Variants in ROBO2 observed in about 807,000 individuals in gnomAD.
ROBO2 encodes roundabout homolog 2.
In ROBO2, 53 loss-of-function variants were observed where a neutral mutation model predicts 160.8. The observed-to-expected ratio is 0.33, with a 90% CI of 0.26 to 0.41. The LOEUF (loss-of-function observed/expected upper bound fraction) is 0.41. ROBO2 is among the 10% of genes least tolerant of loss of function. The pLI, the probability that ROBO2 is intolerant of heterozygous loss-of-function variation, is 1.00. For synonymous variants in ROBO2, 664 were observed against 611.7 expected, an observed-to-expected ratio of 1.09 and a Z score of -1.26; for missense variants, 1,577 against 1,722.4, an observed-to-expected ratio of 0.92 and a Z score of 1.49.
chr3:76,578,746 T>G (rs898476445), intron 2 of ROBO2, among the ~76,000 whole-genome samples: 2 of 152,158 alleles, frequency 1.3e-5, no homozygotes, highest in Non-Finnish European at 2.9e-5. Flanking sequence ...ATGACATTGC[T>G]GTTTTCTCTT....
chr3:76,659,951 T>C (rs1215976683), intron 2 of ROBO2, among the ~76,000 whole-genome samples: 1 of 152,174 alleles, frequency 6.6e-6, no homozygotes, highest in Non-Finnish European at 1.5e-5. Flanking sequence ...TTTAGAAAAC[T>C]GAGTAGCAAA....
At chr3:77,036,664 T>A (rs2063654769), upstream of ROBO2, among the ~76,000 whole-genome samples, 1 of 152,070 alleles carries the variant, frequency 6.6e-6, no homozygotes, top group Non-Finnish European at 1.5e-5. Context: ...AGGTTTTACA[T>A]AAAAGAAGCC....
intron 2 of ROBO2, among the ~76,000 whole-genome samples, chr3:76,233,399 C>T (rs560194254): frequency 8.9e-4 from 135 of 152,286 alleles, no homozygotes; most frequent in Non-Finnish European, 1.7e-3. Flanking sequence ...CTGCCTCGGC[C>T]TCCCAAGCTG....
intron 2 of ROBO2, among the ~76,000 whole-genome samples, chr3:76,743,336 A>T (rs1418599935): frequency 1.3e-5 from 2 of 152,138 alleles, no homozygotes; most frequent in Non-Finnish European, 2.9e-5. Flanking sequence ...AAATGTAATG[A>T]AATCAAGACT....
At chr3:76,885,404 C>T (rs926880502) in intron 2 of ROBO2, among the ~76,000 whole-genome samples, 2 of 151,986 alleles carry the variant, frequency 1.3e-5, no homozygotes, top group African/African-American at 4.8e-5. Context: ...ATTTATTAAA[C>T]AAATATAAAA....
At chr3:75,991,922 C>A (rs757072479) in intron 2 of ROBO2, among the ~76,000 whole-genome samples, 19 of 152,264 alleles carry the variant, frequency 1.2e-4, no homozygotes, top group Non-Finnish European at 2.5e-4. Flanking sequence ...CATTTTGCCC[C>A]TGCCCTAGAG....
intron 2 of ROBO2, among the ~76,000 whole-genome samples, chr3:76,518,815 T>A (rs1298002145): frequency 6.6e-6 from 1 of 152,166 alleles, no homozygotes; most frequent in African/African-American, 2.4e-5. Context: ...TGTTGAGCCA[T>A]CACTTCCTAC....
At chr3:76,458,145 A>C (rs2077878342) in intron 2 of ROBO2, among the ~76,000 whole-genome samples, 1 of 152,168 alleles carries the variant, frequency 6.6e-6, no homozygotes, top group East Asian at 1.9e-4. Flanking sequence ...CTTTTCTATC[A>C]CATAGTCAGG....
chr3:76,304,743 T>TCCC (rs1553700095), intron 2 of ROBO2, among the ~76,000 whole-genome samples: 9 of 117,702 alleles, frequency 7.6e-5, no homozygotes, highest in Non-Finnish European at 1.4e-4. Flanking sequence ...TTTTCTTTTC[T>TCCC]TTCCTTCTTT....
rs900511822 is a variant in ROBO2 at position 77,039,998 on chromosome 3, A to G, written c.-788A>G. 2.4e-4 allele frequency: 153 copies of G among 627,536 alleles called. 1 individual carries two copies. The highest frequency in any genetic ancestry group is 2.9e-4 in the Non-Finnish European group (144 of 504,406). The allele number at this position is 627,536 out of a possible 1,614,324, so 38.9% of individuals were successfully genotyped here. On this transcript the variant is annotated 5_prime_UTR_variant, in exon 1 of 26. Transcript: ENST00000461745. The stretch of plus-strand genomic sequence containing the variant: ...CGCGCCCGCAGCCGCCTGGTGCACT[A>G]TCCTCAGAGGCGGCACCGCGGGGGT...
chr3:76,323,230 TG>T (rs2072728109), intron 2 of ROBO2, among the ~76,000 whole-genome samples: 1 of 151,814 alleles, frequency 6.6e-6, no homozygotes, highest in Non-Finnish European at 1.5e-5. Flanking sequence ...GCCAGCATTG[TG>T]TTAAATGCTT....
chr3:76,063,065 TA>T (rs1445596672), intron 2 of ROBO2, among the ~76,000 whole-genome samples: 2 of 152,346 alleles, frequency 1.3e-5, no homozygotes, highest in Admixed American at 1.3e-4. Context: ...AAAGCCTGGT[TA>T]CATTTTGTCA....
chr3:76,760,990 A>G (rs2597238), intron 2 of ROBO2, among the ~76,000 whole-genome samples: 124,013 of 151,436 alleles, frequency 0.82, 50,906 homozygotes, highest in Admixed American at 0.85. Context: ...TAAGAAGGAA[A>G]TTATGCACCT....
chr3:77,096,701 C>T (rs761942052), intron 1 of ROBO2, among the ~76,000 whole-genome samples: 3 of 152,068 alleles, frequency 2.0e-5, no homozygotes, highest in Non-Finnish European at 2.9e-5. Context: ...CCACCCACCT[C>T]GGCCTCCCAA....
chr3:76,058,932 G>C (rs13325670), intron 2 of ROBO2, among the ~76,000 whole-genome samples: 1 of 151,046 alleles, frequency 6.6e-6, no homozygotes, highest in Non-Finnish European at 1.5e-5. Context: ...AGTTTGCTGA[G>C]AATGATGGTT....
intron 2 of ROBO2, among the ~76,000 whole-genome samples, chr3:76,952,213 A>T (rs187864175): frequency 6.6e-6 from 1 of 152,334 alleles, no homozygotes; most frequent in Non-Finnish European, 1.5e-5. Context: ...ATGGTTGCCA[A>T]TGGACAAAAA....
At chr3:76,073,790 TTA>T (rs34283982) in intron 2 of ROBO2, among the ~76,000 whole-genome samples, 95,184 of 151,672 alleles carry the variant, frequency 0.63, 30,505 homozygotes, top group Middle Eastern at 0.76. Context: ...TCTTACCATC[TTA>T]TAAAATAAGT....
chr3:77,224,339 C>T (rs1427508683), intron 2 of ROBO2, among the ~76,000 whole-genome samples: 1 of 151,844 alleles, frequency 6.6e-6, no homozygotes, highest in Non-Finnish European at 1.5e-5. Context: ...TGAAAGATTG[C>T]CTAACTAAGT....
rs142088240 is a variant in ROBO2, at chr3:77,401,185, G to T, written c.389-76229G>T. On this transcript the variant is annotated intron_variant, in intron 2 of 25. Transcript: ENST00000461745. ...TCCTTGCAGTTTATTGAAAAATCCTGCTCTGGGTGGATTGACTATGAGCTT... is the reference window on the plus strand; with the variant it reads ...TCCTTGCAGTTTATTGAAAAATCCTTCTCTGGGTGGATTGACTATGAGCTT... Among the ~76,000 whole-genome samples the T allele has an allele frequency of 2.2e-3, 332 of 151,700 alleles. 1 individual carries two copies. The highest frequency in any genetic ancestry group is 7.9e-3 in the African/African-American group (326 of 41,330).
Sources: gnomAD v4.1 joint callset for allele counts (sites outside exome capture counted in the v4.1 genomes callset) on GRCh38, gnomAD v4.1.1 for gene constraint, MANE v1.5 for transcripts, NCBI Gene and HGNC (gene_info 2026-07-23, HGNC 2026-07-21) for gene names.